Variants in MAMSTR observed in about 807,000 individuals in gnomAD.
MAMSTR encodes the protein MEF2 activating motif and SAP domain containing transcriptional regulator.
Under a neutral mutation model 42.7 loss-of-function variants are expected in MAMSTR, and 41 were observed. That is an observed-to-expected ratio of 0.96 (90% confidence interval 0.75 to 1.25). The LOEUF is 1.25. Ranked by LOEUF, MAMSTR falls within the 50% of genes most tolerant of loss-of-function variation. The probability of loss-of-function intolerance (pLI) is 0.00; values close to 1 mark genes in which losing one functional copy is unlikely to be tolerated. For missense variants in MAMSTR, 567 were observed against 557.6 expected (o/e 1.02, Z -0.17); for synonymous variants, 265 against 244.1 (o/e 1.09, Z -0.80).
chr19:48,714,520 G>T lies in MAMSTR; in HGVS notation c.569C>A (p.Pro190Gln). 1.4e-6 allele frequency: 2 copies of T among 1,455,484 alleles called. No individual in the cohort carries two copies. The highest frequency in any genetic ancestry group is 1.8e-6 in the Non-Finnish European group (2 of 1,116,516). 90.2% of individuals were successfully genotyped at this position (1,455,484 alleles called of 1,614,324 possible). ...GAGCATAGACTTGGTCCCCGACACT[G>T]GGAGGCCCCGCAGGCGCAGCTGCTG... ...LRQQLRLRGL[P>Q]VSGTKSMLLE... is the part of the protein sequence containing the mutation. Residue 190 changes from proline (P) to glutamine (Q), a missense_variant, in exon 7 of 10, where the codon CCA (proline) becomes CAA (glutamine). Coordinates refer to ENST00000318083, the MANE Select transcript of MAMSTR (RefSeq NM_001130915.2).
rs537016582 is a variant in MAMSTR, at chr19:48,719,006, C to T, written c.26G>A (p.Arg9His). The change falls in exon 2 of 10, where the codon CGT (arginine) becomes CAT (histidine). Residue 9 changes from arginine to histidine, a missense_variant. Arg to His is a conservative substitution (Grantham distance 29, BLOSUM62 0). Coordinates refer to ENST00000318083, the MANE Select transcript of MAMSTR (RefSeq NM_001130915.2). The surrounding 1 kb of genome is among the most constrained non-coding windows in gnomAD (Gnocchi z 4.4). The stretch of plus-strand genomic sequence containing the variant: ...GAACTTGGAGCGAATGATTTGGGAA[C>T]GCTGGGAGGAAGCCGCCAGGGTCAT... MTLAASSQ[R>H]SQIIRSKFRS... The T allele has an allele frequency of 4.5e-5, 70 of 1,550,676 alleles. No individual in the cohort carries two copies. Among genetic ancestry groups the T allele is most frequent in the Admixed American group, 1.6e-4 (8 of 50,954 alleles).
intron 2 of MAMSTR, 116 bp downstream of exon 2, chr19:48,718,858 T>C: frequency 9.6e-7 from 1 of 1,042,688 alleles, no homozygotes; most frequent in Admixed American, 2.1e-5. Context: ...TTATGCAACA[T>C]GACCTTTTGC....
At chr19:48,718,652 G>T (rs1227784414) in intron 2 of MAMSTR, among the ~76,000 whole-genome samples, 1 of 151,966 alleles carries the variant, frequency 6.6e-6, no homozygotes, top group Admixed American at 6.6e-5. Flanking sequence ...CTCCCACACT[G>T]GTCCTCTGAG....
downstream of MAMSTR, among the ~76,000 whole-genome samples, chr19:48,709,590 T>G (rs1179504120): frequency 6.6e-6 from 1 of 152,180 alleles, no homozygotes; most frequent in Non-Finnish European, 1.5e-5. Context: ...TTTCTGAACT[T>G]CTGCTGCTTT....
intron 3 of MAMSTR, 68 bp from the exon 4 acceptor site, chr19:48,715,835 T>A: frequency 6.7e-7 from 1 of 1,493,854 alleles, no homozygotes; most frequent in Non-Finnish European, 8.8e-7. Context: ...AGCAAGGCTG[T>A]GTGGAAAGCG....
In MAMSTR at chr19:48,713,326, C is replaced by CGGAGAA. The variant is rs1313261881; in HGVS notation, c.1183_1188dup (p.Phe395_Ser396dup). The CGGAGAA allele has an allele frequency of 2.5e-6, 4 of 1,607,960 alleles. No homozygotes were observed. Among genetic ancestry groups the CGGAGAA allele is most frequent in the Non-Finnish European group, 3.4e-6 (4 of 1,178,472 alleles). On this transcript the variant is annotated inframe_insertion, in exon 10 of 10. Coordinates refer to ENST00000318083, the MANE Select transcript of MAMSTR (RefSeq NM_001130915.2). Reference sequence around the variant, plus strand: ...CTGCTGCTGGAGTCAGATAAGTCAGCGGAGAAGATGCTGGGGGGTGGGGGA... The same window carrying CGGAGAA: ...CTGCTGCTGGAGTCAGATAAGTCAGCGGAGAAGGAGAAGATGCTGGGGGGTGGGGGA...
intron 2 of MAMSTR, 141 bp downstream of exon 2, chr19:48,718,833 G>T: frequency 1.2e-6 from 1 of 800,858 alleles, no homozygotes; most frequent in Non-Finnish European, 2.0e-6. Flanking sequence ...CCGGACCCCT[G>T]TGCTTGGGCC....
At chr19:48,714,681 C>T in intron 6 of MAMSTR, 121 bp from the exon 7 acceptor site, 1 of 1,271,406 alleles carries the variant, frequency 7.9e-7, no homozygotes, top group South Asian at 1.2e-5. Flanking sequence ...CTCCTGGGAC[C>T]CTAAAACAGG....
At chr19:48,707,857 AAGAAAGAAAGAAAG>A (rs2122241812), downstream of MAMSTR, among the ~76,000 whole-genome samples, 2 of 106,704 alleles carry the variant, frequency 1.9e-5, 1 homozygote, top group South Asian at 5.2e-4. Flanking sequence ...GAAAGAAAGA[AAGAAAGAAAGAAAG>A]AAAGAAAGAA....
chr19:48,711,690 G>T (rs927007379), downstream of MAMSTR, among the ~76,000 whole-genome samples: 1 of 149,604 alleles, frequency 6.7e-6, no homozygotes, highest in East Asian at 2.0e-4. Flanking sequence ...CTCCTGCCTC[G>T]GTCTCTCACG....
At chr19:48,714,340 C>T in intron 7 of MAMSTR, 26 bp downstream of exon 7, 1 of 1,355,738 alleles carries the variant, frequency 7.4e-7, no homozygotes, top group Non-Finnish European at 9.4e-7. Context: ...CTTCATTGGT[C>T]CGCAAGCTCA....
chr19:48,710,269 TAA>T (rs2032702649), downstream of MAMSTR, among the ~76,000 whole-genome samples: 10 of 102,456 alleles, frequency 9.8e-5, no homozygotes, highest in Non-Finnish European at 1.9e-4. Context: ...CACACCTGGC[TAA>T]TTATTTTTTT....
Position 48,715,722 on chromosome 19 carries a change from G to T in MAMSTR, c.143C>A (p.Ala48Asp). Residue 48 changes from alanine (A) to aspartate (D), a missense_variant, in exon 4 of 10, where the codon GCC (alanine) becomes GAC (aspartate). Coordinates refer to ENST00000318083, the MANE Select transcript of MAMSTR (RefSeq NM_001130915.2). ...PWISASDPPL[A>D]PALPSGTAPF... ...GGCCGTGCCCGAGGGCAAGGCCGGG[G>T]CCAGAGGAGGGTCTGAGGCTGAGAT... 6.5e-7 allele frequency: 1 copy of T among 1,542,754 alleles called. No individual in the cohort carries two copies. The highest frequency in any genetic ancestry group is 8.7e-7 in the Non-Finnish European group (1 of 1,145,006).
chr19:48,719,174 A>G lies in MAMSTR; in HGVS notation c.-21-122T>C. On this transcript the variant is annotated intron_variant, in intron 1 of 9. Coordinates refer to ENST00000318083, the MANE Select transcript of MAMSTR (RefSeq NM_001130915.2). The surrounding 1 kb of genome is among the most constrained non-coding windows in gnomAD (Gnocchi z 4.4). ...GCCCGAAGGAGGTGGGAATAGGAGCAGCCTTGGGCCATAACTTCCGGATCC... is the reference window on the plus strand; with the variant it reads ...GCCCGAAGGAGGTGGGAATAGGAGCGGCCTTGGGCCATAACTTCCGGATCC... 1 of 677,888 alleles carries G rather than the reference A, an allele frequency of 1.5e-6. No homozygotes were observed. The highest frequency in any genetic ancestry group is 2.6e-6 in the Non-Finnish European group (1 of 386,836). The allele number at this position is 677,888 out of a possible 1,614,324, so 42.0% of individuals were successfully genotyped here.
rs113032550 is a variant in MAMSTR, at chr19:48,716,114, G to A, written c.98-347C>T. On this transcript the variant is annotated intron_variant, in intron 3 of 9. Coordinates refer to ENST00000318083, the MANE Select transcript of MAMSTR (RefSeq NM_001130915.2). Reference sequence around the variant, plus strand: ...ATCCAGGCCGGCCGCGGTGGCTCACGCCTGTAATCCCAGCAGTTTGGGAGA... The same window carrying A: ...ATCCAGGCCGGCCGCGGTGGCTCACACCTGTAATCCCAGCAGTTTGGGAGA... 3.5e-4 allele frequency among the ~76,000 whole-genome samples: 53 copies of A among 152,176 alleles called. 1 individual carries two copies. Among genetic ancestry groups the A allele is most frequent in the African/African-American group, 1.2e-3 (50 of 41,516 alleles).
At chr19:48,710,883 G>A (rs114401229), downstream of MAMSTR, among the ~76,000 whole-genome samples, 1,926 of 152,124 alleles carry the variant, frequency 0.013, 57 homozygotes, top group African/African-American at 0.044. Context: ...CACCGCGCCC[G>A]GCCAAAACCT....
downstream of MAMSTR, among the ~76,000 whole-genome samples, chr19:48,712,563 A>G (rs2032757117): frequency 6.6e-6 from 1 of 151,786 alleles, no homozygotes; most frequent in African/African-American, 2.4e-5. Context: ...CTGGGATTCC[A>G]GGCATGTGCC....
chr19:48,718,914 C>T (rs2033151713), intron 2 of MAMSTR, 60 bp downstream of exon 2: 5 of 1,353,748 alleles, frequency 3.7e-6, no homozygotes, highest in Non-Finnish European at 5.1e-6. Flanking sequence ...TCCCTTCCCA[C>T]CCCAGAGTAC....
Position 48,714,454 on chromosome 19 carries a change from G to T in MAMSTR, c.635C>A (p.Pro212Gln), listed in dbSNP as rs760065235. 2.1e-5 allele frequency: 29 copies of T among 1,357,482 alleles called. No homozygotes were observed. The highest frequency in any genetic ancestry group is 6.1e-5 in the African/African-American group (4 of 65,690). The allele number at this position is 1,357,482 out of a possible 1,614,324, so 84.1% of individuals were successfully genotyped here. ...GGGACTGTCCTCGCGCCGCGGCTTC[G>T]GCCGCTCGCGGGGCGGCGCGCCGCC... is the stretch of plus-strand genomic sequence containing the variant. ...MRGGAPPRERPKPRREDSPAG... is the reference protein window; with the variant it reads ...MRGGAPPRERQKPRREDSPAG... The change falls in exon 7 of 10, where the codon CCG becomes CAG. Residue 212 changes from proline to glutamine, a missense_variant. Pro to Gln is a moderately conservative substitution (Grantham distance 76). Coordinates refer to ENST00000318083, the MANE Select transcript of MAMSTR (RefSeq NM_001130915.2).
Sources: gnomAD v4.1 joint callset for allele counts (sites outside exome capture counted in the v4.1 genomes callset) on GRCh38, gnomAD v4.1.1 for gene constraint, Gnocchi (gnomAD v3.1) non-coding constraint, MANE v1.5 for transcripts, NCBI Gene and HGNC (gene_info 2026-07-23, HGNC 2026-07-21) for gene names.